PRIM2: variants seen among roughly 807,000 people sequenced by gnomAD.
PRIM2 encodes the protein DNA primase subunit 2.
Under a neutral mutation model 67.3 loss-of-function variants are expected in PRIM2, and 39 were observed. The observed-to-expected ratio is 0.58, with a 90% CI of 0.45 to 0.76. The LOEUF (loss-of-function observed/expected upper bound fraction) is 0.76. Ranked by LOEUF, PRIM2 falls within the 30% of genes least tolerant of loss-of-function variation. The pLI is 0.00. For missense variants in PRIM2, 398 were observed against 598.7 expected (o/e 0.66, Z 3.50); for synonymous variants, 143 against 198.7 (o/e 0.72, Z 2.36).
chr6:57,557,465 C>T (rs2127476994), intron 10 of PRIM2, among the ~76,000 whole-genome samples: 1 of 152,222 alleles, frequency 6.6e-6, no homozygotes, highest in African/African-American at 2.4e-5. Flanking sequence ...TTGTCTTTTG[C>T]AGGAACATGG....
At chr6:57,233,799 T>C in the PRIM2 span, among the ~76,000 whole-genome samples, 4 of 151,870 alleles carry the variant, frequency 2.6e-5, no homozygotes, top group African/African-American at 9.7e-5. Flanking sequence ...GGACCACAGG[T>C]GCACAGTACT....
intron 5 of PRIM2, among the ~76,000 whole-genome samples, chr6:57,357,596 CT>C (rs34636141): frequency 0.073 from 9,946 of 136,738 alleles, 346 homozygotes; most frequent in Admixed American, 0.11. Flanking sequence ...TCCTCTGTGG[CT>C]TTTTTTTTTT....
chr6:57,502,301 A>G (rs1774149548), intron 7 of PRIM2, among the ~76,000 whole-genome samples: 2 of 152,244 alleles, frequency 1.3e-5, no homozygotes, highest in East Asian at 1.9e-4. Flanking sequence ...TCCATCCCTG[A>G]TATCAACCAA....
the PRIM2 span, among the ~76,000 whole-genome samples, chr6:57,300,193 A>G: frequency 6.6e-6 from 1 of 152,230 alleles, no homozygotes; most frequent in Non-Finnish European, 1.5e-5. Flanking sequence ...AGGCCTGCAG[A>G]TGCATTGTCC....
At chr6:57,300,482 C>T in the PRIM2 span, among the ~76,000 whole-genome samples, 5 of 151,942 alleles carry the variant, frequency 3.3e-5, no homozygotes, top group African/African-American at 1.2e-4. Flanking sequence ...CGCATGTGTA[C>T]ATGTTGAGGG....
chr6:57,281,169 A>G, the PRIM2 span, among the ~76,000 whole-genome samples: 1 of 152,196 alleles, frequency 6.6e-6, no homozygotes, highest in Non-Finnish European at 1.5e-5. Flanking sequence ...AGCATTCAAT[A>G]TGTACCAGTT....
chr6:57,301,645 T>A, the PRIM2 span, among the ~76,000 whole-genome samples: 1 of 152,116 alleles, frequency 6.6e-6, no homozygotes, highest in Admixed American at 6.6e-5. Flanking sequence ...CTACCAAAAA[T>A]ACACACGCAC....
rs1770912539 is a variant in PRIM2, at chr6:57,406,933, C to CAGG, written c.693+24766_693+24768dup. 8.0e-5 allele frequency among the ~76,000 whole-genome samples: 12 copies of CAGG among 150,626 alleles called. No homozygotes were observed. The South Asian group carries it at 2.6e-3, about 32-fold the overall frequency. On this transcript the variant is annotated intron_variant, in intron 7 of 13. Transcript: ENST00000615550. ...TGTATTTGTTGAGTTGCAAAACAGCCAGGTGAACAGTGTCATTGAGTTTAC... is the reference window on the plus strand; with the variant it reads ...TGTATTTGTTGAGTTGCAAAACAGCCAGGAGGTGAACAGTGTCATTGAGTTTAC...
chr6:57,251,776 A>G, the PRIM2 span, among the ~76,000 whole-genome samples: 1 of 152,152 alleles, frequency 6.6e-6, no homozygotes, highest in African/African-American at 2.4e-5. Context: ...ATTTCCCACA[A>G]GCTTTATTAT....
chr6:57,492,030 G>A (rs1278792439), intron 7 of PRIM2, among the ~76,000 whole-genome samples: 18 of 152,254 alleles, frequency 1.2e-4, no homozygotes, highest in Middle Eastern at 3.4e-3. Context: ...GTTTAGGCAA[G>A]CCCCCTGTGT....
chr6:57,311,200 CA>C (rs1767377799), upstream of PRIM2, among the ~76,000 whole-genome samples: 4 of 31,128 alleles, frequency 1.3e-4, no homozygotes, highest in African/African-American at 4.1e-4. Flanking sequence ...CCTCACCTCC[CA>C]GACGGGGCGG....
intron 7 of PRIM2, among the ~76,000 whole-genome samples, chr6:57,417,866 A>G (rs1350311262): frequency 6.6e-6 from 1 of 150,784 alleles, no homozygotes; most frequent in Admixed American, 6.6e-5. Flanking sequence ...CACAATTTGA[A>G]GTGCAGTAAA....
At chr6:57,498,959 CA>C (rs1774068794) in intron 7 of PRIM2, among the ~76,000 whole-genome samples, 1 of 152,186 alleles carries the variant, frequency 6.6e-6, no homozygotes, top group African/African-American at 2.4e-5. Context: ...GTTCTTCCTA[CA>C]GGCCCTTTTC....
chr6:57,453,486 T>A (rs61168143), intron 7 of PRIM2, among the ~76,000 whole-genome samples: 5 of 152,140 alleles, frequency 3.3e-5, no homozygotes, highest in Admixed American at 2.6e-4. Context: ...TAGTTCTCCT[T>A]GAAGAGGTCC....
At chr6:57,496,497 A>C (rs1562776514) in intron 7 of PRIM2, among the ~76,000 whole-genome samples, 1 of 152,220 alleles carries the variant, frequency 6.6e-6, no homozygotes. Context: ...TCCAGTGTAC[A>C]TAGTAGAATT....
the PRIM2 span, among the ~76,000 whole-genome samples, chr6:57,245,836 G>C: frequency 6.6e-6 from 1 of 152,200 alleles, no homozygotes; most frequent in Non-Finnish European, 1.5e-5. Flanking sequence ...TTTGGGGCAT[G>C]AGAGTGCACT....
chr6:57,325,979 A>C lies in PRIM2; in HGVS notation c.393A>C (p.Arg131Ser). 1 of 1,612,508 alleles carries C rather than the reference A, an allele frequency of 6.2e-7. No individual in the cohort carries two copies. Among genetic ancestry groups the C allele is most frequent in the Non-Finnish European group, 8.5e-7 (1 of 1,179,592 alleles). The change falls in exon 5 of 14, where the codon AGA (arginine) becomes AGC (serine). Residue 131 changes from arginine to serine, a missense_variant. Arg to Ser is a moderately radical substitution (Grantham distance 110, BLOSUM62 -1). Coordinates refer to ENST00000615550, the MANE Select transcript of PRIM2 (RefSeq NM_000947.5). ...IQQEMDLLRFRFSILPKDKIQ... is the reference protein window; with the variant it reads ...IQQEMDLLRFSFSILPKDKIQ... The stretch of plus-strand genomic sequence containing the variant: ...AAGAAATGGATCTCCTTCGATTTAG[A>C]TTTAGTATTTTACCCAAGGATAAAA...
intron 7 of PRIM2, among the ~76,000 whole-genome samples, chr6:57,454,215 C>T (rs199858940): frequency 9.9e-5 from 15 of 152,054 alleles, no homozygotes; most frequent in South Asian, 2.1e-4. Context: ...ATTTTTGCAT[C>T]GATGTTCATC....
chr6:57,232,470 T>G, the PRIM2 span, among the ~76,000 whole-genome samples: 2 of 152,110 alleles, frequency 1.3e-5, no homozygotes, highest in African/African-American at 4.8e-5. Context: ...GAGAATCACT[T>G]GAACTGAGGC....
Sources: allele counts gnomAD v4.1 joint callset (sites outside exome capture counted in the v4.1 genomes callset), GRCh38; gene constraint gnomAD v4.1.1; transcripts MANE v1.5; gene names NCBI Gene and HGNC (gene_info 2026-07-23, HGNC 2026-07-21).